Variants in HPCAL1 observed in about 807,000 individuals in gnomAD.
The protein encoded by HPCAL1 is hippocalcin-like protein 1.
In HPCAL1, 8 loss-of-function variants were observed where a neutral mutation model predicts 17.1. That is an observed-to-expected ratio of 0.47 (90% CI 0.27 to 0.84). The LOEUF (loss-of-function observed/expected upper bound fraction) is 0.84, where lower values mean the gene tolerates loss of function less well. Ranked by LOEUF, HPCAL1 falls within the 40% of genes least tolerant of loss-of-function variation. HPCAL1 has a pLI of 0.13. For missense variants in HPCAL1, 165 were observed against 271.1 expected, an observed-to-expected ratio of 0.61 and a Z score of 2.75; for synonymous variants, 112 against 111.4, an observed-to-expected ratio of 1.01 and a Z score of -0.03.
chr2:10,364,001 G>T, intron 1 of HPCAL1, among the ~76,000 whole-genome samples: 1 of 152,248 alleles, frequency 6.6e-6, no homozygotes, highest in South Asian at 2.1e-4. Flanking sequence ...AGAGGGAAGG[G>T]CACTGGTCCC....
At position 10,331,020 on chromosome 2, in the gene HPCAL1, C is replaced by G. The variant is rs1664336425; in HGVS notation, c.-111+27843C>G. On this transcript the variant is annotated intron_variant, in intron 1 of 4. Coordinates refer to ENST00000307845, the MANE Select transcript of HPCAL1 (RefSeq NM_002149.4). This position sits in a 1 kb window ranked among gnomAD's most constrained non-coding sequence, Gnocchi z 5.0. Reference sequence around the variant, plus strand: ...CCCCGGCCTCTCCAGTTCTCTGTGTCTTGCCATCTTGGCTTCTTCCTCATC... The same window carrying G: ...CCCCGGCCTCTCCAGTTCTCTGTGTGTTGCCATCTTGGCTTCTTCCTCATC... Among the ~76,000 whole-genome samples, 1 of 152,176 alleles carries G rather than the reference C, an allele frequency of 6.6e-6. No homozygotes were observed.
intron 1 of HPCAL1, among the ~76,000 whole-genome samples, chr2:10,311,879 CATT>C (rs1186491746): frequency 6.6e-6 from 1 of 151,470 alleles, no homozygotes; most frequent in Non-Finnish European, 1.5e-5. Flanking sequence ...CCATCATCAT[CATT>C]ACCATCATCA....
chr2:10,366,719 C>G (rs1453580564), intron 1 of HPCAL1, among the ~76,000 whole-genome samples: 1 of 152,216 alleles, frequency 6.6e-6, no homozygotes, highest in Non-Finnish European at 1.5e-5. Context: ...CCTGCCCCGG[C>G]TCCCCAGCCC....
intron 1 of HPCAL1, among the ~76,000 whole-genome samples, chr2:10,376,369 C>A (rs146139107): frequency 2.1e-3 from 313 of 152,220 alleles, no homozygotes; most frequent in African/African-American, 7.2e-3. Context: ...ACTTAGTGAC[C>A]TGTACACCTA....
At chr2:10,386,189 T>C (rs13014806) in intron 1 of HPCAL1, among the ~76,000 whole-genome samples, 68,333 of 151,984 alleles carry the variant, frequency 0.45, 15,578 homozygotes, top group African/African-American at 0.49. Flanking sequence ...GCCTTCCATC[T>C]TGCCTGGGCC....
intron 1 of HPCAL1, among the ~76,000 whole-genome samples, chr2:10,315,614 G>C (rs906668711): frequency 1.3e-5 from 2 of 152,146 alleles, no homozygotes; most frequent in African/African-American, 4.8e-5. Flanking sequence ...CCATACTTGT[G>C]ATTATTTAAA....
chr2:10,349,702 C>CAAAAAAAAAA (rs55897775), intron 1 of HPCAL1, among the ~76,000 whole-genome samples: 16 of 52,738 alleles, frequency 3.0e-4, no homozygotes, highest in African/African-American at 5.8e-4. Flanking sequence ...GACTCTGTCT[C>CAAAAAAAAAA]AAAAAAAAAA....
In HPCAL1 at chr2:10,330,856, T is replaced by G. The variant is rs1293974198; in HGVS notation, c.-111+27679T>G. 6.6e-6 allele frequency among the ~76,000 whole-genome samples: 1 copy of G among 152,176 alleles called. No individual in the cohort carries two copies. The highest frequency in any genetic ancestry group is 1.5e-5 in the Non-Finnish European group (1 of 68,028). ...TCTCCGACTGCGGACCCCGATCATC[T>G]TTGTGAGAATGCAGGTTCCCAGGCC... is the stretch of plus-strand genomic sequence containing the variant. On this transcript the variant is annotated intron_variant, in intron 1 of 4. Transcript: ENST00000307845. This position sits in a 1 kb window ranked among gnomAD's most constrained non-coding sequence, Gnocchi z 4.2.
At chr2:10,402,587 G>A (rs1039359149) in intron 2 of HPCAL1, among the ~76,000 whole-genome samples, 6 of 152,284 alleles carry the variant, frequency 3.9e-5, no homozygotes, top group African/African-American at 7.2e-5. Flanking sequence ...AGGGCGGCTG[G>A]AACATCACCA....
chr2:10,317,602 G>A (rs1260743128), intron 1 of HPCAL1, among the ~76,000 whole-genome samples: 1 of 152,172 alleles, frequency 6.6e-6, no homozygotes, highest in East Asian at 1.9e-4. Flanking sequence ...ATTTTTAGCA[G>A]AGACGGGGTT....
intron 2 of HPCAL1, among the ~76,000 whole-genome samples, chr2:10,415,709 T>TGGG (rs954639531): frequency 3.9e-5 from 6 of 152,094 alleles, no homozygotes; most frequent in Admixed American, 2.6e-4. Flanking sequence ...CCATCCCTGT[T>TGGG]ATTCGGGGGG....
intron 3 of HPCAL1, 27 bp from the exon 4 acceptor site, chr2:10,422,956 G>T (rs1314212688): frequency 6.5e-7 from 1 of 1,549,112 alleles, no homozygotes; most frequent in Admixed American, 1.7e-5. Context: ...GGGCCTCTGA[G>T]CACAGTGTCA....
At chr2:10,374,774 C>T (rs1441518329) in intron 1 of HPCAL1, among the ~76,000 whole-genome samples, 1 of 152,210 alleles carries the variant, frequency 6.6e-6, no homozygotes, top group African/African-American at 2.4e-5. Context: ...CTGATCACTG[C>T]CTTTCAGCCG....
intron 1 of HPCAL1, among the ~76,000 whole-genome samples, chr2:10,389,171 G>A (rs1052498188): frequency 1.3e-5 from 2 of 152,128 alleles, no homozygotes; most frequent in African/African-American, 4.8e-5. Flanking sequence ...GCTCCTTTCC[G>A]TGGCAATCAT....
At position 10,304,472 on chromosome 2, in the gene HPCAL1, G is replaced by T. The variant is rs1163892916; in HGVS notation, c.-111+1295G>T. ...ACGCCGAGTCCAGCTGCTGGCCTCG[G>T]CATTAGACAACCCCCAGCCCCAGCC... On this transcript the variant is annotated intron_variant, in intron 1 of 4. Coordinates refer to ENST00000307845, the MANE Select transcript of HPCAL1 (RefSeq NM_002149.4). The surrounding 1 kb of genome is among the most constrained non-coding windows in gnomAD (Gnocchi z 4.1). 4.0e-5 allele frequency among the ~76,000 whole-genome samples: 6 copies of T among 151,848 alleles called. No homozygotes were observed. The highest frequency in any genetic ancestry group is 1.5e-4 in the African/African-American group (6 of 41,316).
At chr2:10,332,170 A>C (rs1664427190) in intron 1 of HPCAL1, among the ~76,000 whole-genome samples, 1 of 152,166 alleles carries the variant, frequency 6.6e-6, no homozygotes, top group African/African-American at 2.4e-5. Flanking sequence ...CAGTGGCTTC[A>C]GAGGGGAAGT....
intron 1 of HPCAL1, among the ~76,000 whole-genome samples, chr2:10,381,006 G>A (rs1667906966): frequency 6.6e-6 from 1 of 152,240 alleles, no homozygotes; most frequent in Non-Finnish European, 1.5e-5. Flanking sequence ...TGATAAGAAA[G>A]TTCAAGTGTG....
rs1197196183 is a variant in HPCAL1 at position 10,427,108 on chromosome 2, G to C, written c.*287G>C. 2.4e-6 allele frequency: 1 copy of C among 422,638 alleles called. No individual in the cohort carries two copies. The highest frequency in any genetic ancestry group is 4.4e-6 in the Non-Finnish European group (1 of 227,786). The allele number at this position is 422,638 out of a possible 1,614,324, so 26.2% of individuals were successfully genotyped here. A position where few individuals can be genotyped will look rare whatever the true frequency, so the allele number is the denominator to read the frequency against. On this transcript the variant is annotated 3_prime_UTR_variant, in exon 5 of 5. Coordinates refer to ENST00000307845, the MANE Select transcript of HPCAL1 (RefSeq NM_002149.4). ...CCAGGCACCTCCCGGCTCACGGGGA[G>C]CTCAGAGGTCCATGCCGAGGAGACC...
At chr2:10,364,126 C>CT in intron 1 of HPCAL1, among the ~76,000 whole-genome samples, 1 of 152,192 alleles carries the variant, frequency 6.6e-6, no homozygotes, top group Non-Finnish European at 1.5e-5. Context: ...TGGTAGTGAC[C>CT]TTGTCCTCCT....
Sources: gnomAD v4.1 joint callset for allele counts (sites outside exome capture counted in the v4.1 genomes callset) on GRCh38, gnomAD v4.1.1 for gene constraint, Gnocchi (gnomAD v3.1) non-coding constraint, MANE v1.5 for transcripts, NCBI Gene and HGNC (gene_info 2026-07-23, HGNC 2026-07-21) for gene names.